SND1: variants seen among roughly 807,000 people sequenced by gnomAD.
SND1 encodes the protein staphylococcal nuclease and tudor domain containing 1, also known as staphylococcal nuclease domain-containing protein 1.
In SND1, 38 loss-of-function variants were observed where a neutral mutation model predicts 121.7. The ratio of observed to expected loss-of-function variants is 0.31; its 90% CI spans 0.24 to 0.41. SND1 has a LOEUF of 0.41. SND1 is among the 10% of genes least tolerant of loss of function. The pLI is 1.00. For missense variants in SND1, 868 were observed against 1,184.6 expected, an observed-to-expected ratio of 0.73 and a Z score of 3.92; for synonymous variants, 401 against 447.4, an observed-to-expected ratio of 0.90 and a Z score of 1.31.
intron 14 of SND1, among the ~76,000 whole-genome samples, chr7:127,916,053 CAT>C (rs67205458): frequency 7.1e-6 from 1 of 139,976 alleles, no homozygotes; most frequent in Non-Finnish European, 1.6e-5. Flanking sequence ...TATATGTATA[CAT>C]ATATATATAG....
chr7:127,698,472 G>A (rs1255134925), intron 3 of SND1, among the ~76,000 whole-genome samples: 1 of 152,138 alleles, frequency 6.6e-6, no homozygotes, highest in African/African-American at 2.4e-5. Flanking sequence ...TTAAGATGCT[G>A]GGAGAGCTTG....
intron 7 of SND1, among the ~76,000 whole-genome samples, chr7:127,703,988 A>C (rs546570870): frequency 6.6e-6 from 1 of 152,308 alleles, no homozygotes; most frequent in African/African-American, 2.4e-5. Context: ...TAGATCAATG[A>C]TGAGGAAACT....
chr7:127,697,152 A>G (rs1435944379), intron 3 of SND1, among the ~76,000 whole-genome samples: 1 of 152,196 alleles, frequency 6.6e-6, no homozygotes, highest in East Asian at 1.9e-4. Flanking sequence ...TGAAGACAAT[A>G]TAATCACCCA....
intron 7 of SND1, 67 bp from the exon 8 acceptor site, chr7:127,704,772 T>A: frequency 7.7e-7 from 1 of 1,300,200 alleles, no homozygotes; most frequent in Admixed American, 1.8e-5. Flanking sequence ...GTCAGAAGTC[T>A]AGAGAAATGG....
At chr7:127,880,455 A>ATACCC (rs2116716235) in intron 12 of SND1, among the ~76,000 whole-genome samples, 1 of 152,254 alleles carries the variant, frequency 6.6e-6, no homozygotes, top group Non-Finnish European at 1.5e-5. Flanking sequence ...CCTATTAATT[A>ATACCC]TATTTCATTT....
At chr7:127,943,887 A>G (rs1411723847) in intron 15 of SND1, among the ~76,000 whole-genome samples, 1 of 152,164 alleles carries the variant, frequency 6.6e-6, no homozygotes, top group East Asian at 1.9e-4. Flanking sequence ...TTTTCATTAC[A>G]TTTGTTAACC....
At chr7:128,032,897 G>C (rs1792673491) in intron 16 of SND1, among the ~76,000 whole-genome samples, 1 of 152,234 alleles carries the variant, frequency 6.6e-6, no homozygotes, top group Non-Finnish European at 1.5e-5. Context: ...GAATGACCAA[G>C]TGTGATGAGC....
Position 127,916,881 on chromosome 7 carries a change from C to G in SND1, c.1527+12062C>G, listed in dbSNP as rs560173149. 3.9e-5 allele frequency among the ~76,000 whole-genome samples: 6 copies of G among 152,248 alleles called. No homozygotes were observed. In the East Asian group the frequency reaches 1.2e-3, roughly 29 times the overall value. The stretch of plus-strand genomic sequence containing the variant: ...GTTGTCAGCAGAAACTGTGTCTTAT[C>G]TCTAGATCTGTAGTTTTTAGGAGTT... On this transcript the variant is annotated intron_variant, in intron 14 of 23. Coordinates refer to ENST00000354725, the MANE Select transcript of SND1 (RefSeq NM_014390.4).
At chr7:127,815,399 A>G (rs985767031) in intron 11 of SND1, among the ~76,000 whole-genome samples, 2 of 152,100 alleles carry the variant, frequency 1.3e-5, no homozygotes, top group African/African-American at 4.8e-5. Context: ...CTGAGATAGG[A>G]GAATCACTTG....
At chr7:128,048,507 C>T (rs1432378137) in intron 16 of SND1, among the ~76,000 whole-genome samples, 2 of 152,148 alleles carry the variant, frequency 1.3e-5, no homozygotes, top group African/African-American at 4.8e-5. Flanking sequence ...ACAAATGTTA[C>T]TGTCTTTGAG....
chr7:127,882,317 G>A (rs542006957), intron 12 of SND1, among the ~76,000 whole-genome samples: 2 of 149,202 alleles, frequency 1.3e-5, no homozygotes, highest in South Asian at 4.4e-4. Context: ...TGCTCAGAGG[G>A]GTAGTCTGGC....
chr7:127,789,002 G>A (rs1010270938), intron 10 of SND1, among the ~76,000 whole-genome samples: 1 of 152,140 alleles, frequency 6.6e-6, no homozygotes, highest in Admixed American at 6.5e-5. Context: ...GTTAAGCTGT[G>A]CCTTCTAATT....
chr7:128,049,541 C>CCTGTCACCTTAT (rs1793010262), intron 16 of SND1, among the ~76,000 whole-genome samples: 1 of 152,144 alleles, frequency 6.6e-6, no homozygotes, highest in Non-Finnish European at 1.5e-5. Context: ...TCCCCAAGCA[C>CCTGTCACCTTAT]CACCTGTCAT....
chr7:128,055,480 A>G (rs1020555559), intron 16 of SND1, among the ~76,000 whole-genome samples: 1 of 152,154 alleles, frequency 6.6e-6, no homozygotes, highest in African/African-American at 2.4e-5. Flanking sequence ...ACCACCTCCC[A>G]GTGCAGGTCC....
chr7:127,839,186 C>T (rs887256348), intron 11 of SND1, among the ~76,000 whole-genome samples: 6 of 152,042 alleles, frequency 3.9e-5, no homozygotes, highest in South Asian at 4.1e-4. Flanking sequence ...CAAATGGTGT[C>T]GTCTTTTCAG....
At chr7:127,939,647 T>TA (rs1801147443) in intron 15 of SND1, among the ~76,000 whole-genome samples, 1 of 152,190 alleles carries the variant, frequency 6.6e-6, no homozygotes, top group African/African-American at 2.4e-5. Flanking sequence ...GGGCCTCCTA[T>TA]AACTAGCAAA....
chr7:127,893,749 A>G (rs1349623056), intron 13 of SND1, among the ~76,000 whole-genome samples: 1 of 152,100 alleles, frequency 6.6e-6, no homozygotes, highest in African/African-American at 2.4e-5. Flanking sequence ...GCAGATTTAG[A>G]AAACCATGGT....
chr7:128,042,157 C>A (rs1792866940), intron 16 of SND1: 1 of 152,166 alleles, frequency 6.6e-6, no homozygotes, highest in African/African-American at 2.4e-5. Context: ...AGTGCACAAA[C>A]CCTGAAAAAA....
Position 128,081,419 on chromosome 7 carries a change from G to A in SND1, c.2028G>A (p.Lys676=), listed in dbSNP as rs1281756189. 1.2e-6 allele frequency: 2 copies of A among 1,614,118 alleles called. No individual in the cohort carries two copies. The highest frequency in any genetic ancestry group is 4.5e-5 in the East Asian group (2 of 44,894). Residue 676 remains lysine (K), a synonymous_variant, in exon 18 of 24, where the codon AAG becomes AAA. Coordinates refer to ENST00000354725, the MANE Select transcript of SND1 (RefSeq NM_014390.4). ...AGGTGATGCCAGTGCTGGAGGAGAA[G>A]GAGCGATCTGCTAGCTACAAGCCCG... ...VEEVMPVLEE[K]ERSASYKPVF...
Sources: gnomAD v4.1 joint callset for allele counts (sites outside exome capture counted in the v4.1 genomes callset) on GRCh38, gnomAD v4.1.1 for gene constraint, MANE v1.5 for transcripts, NCBI Gene and HGNC (gene_info 2026-07-23, HGNC 2026-07-21) for gene names.